Variants in MYO16 observed in about 807,000 individuals in gnomAD.
The protein encoded by MYO16 is unconventional myosin-XVI.
A neutral mutation model predicts 205.3 loss-of-function variants in MYO16; 94 were observed. The ratio of observed to expected loss-of-function variants is 0.46; its 90% CI spans 0.39 to 0.54. The LOEUF is 0.54. MYO16 is among the 20% of genes least tolerant of loss of function. MYO16 has a pLI of 0.00. For synonymous variants in MYO16, 988 were observed against 954.0 expected (o/e 1.04, Z -0.66); for missense variants, 2,315 against 2,387.5 (o/e 0.97, Z 0.63).
chr13:108,856,899 G>T (rs545505111), intron 11 of MYO16, among the ~76,000 whole-genome samples: 1 of 152,068 alleles, frequency 6.6e-6, no homozygotes, highest in Non-Finnish European at 1.5e-5. Flanking sequence ...AAGCACAAAT[G>T]TAATCTCAAA....
rs145172431 is a variant in MYO16, at chr13:108,827,978, T to C, written c.1097+4700T>C. Among the ~76,000 whole-genome samples, 666 of 151,870 alleles carry C rather than the reference T, an allele frequency of 4.4e-3. 7 individuals are homozygous for C. The highest frequency in any genetic ancestry group is 0.02 in the Admixed American group (306 of 15,280). ...CATGTTGCCTAAGTGGAGTAGTTCA[T>C]TGATGAAAGGGTTTTTTTTACTTAT... On this transcript the variant is annotated intron_variant, in intron 9 of 34. Coordinates refer to ENST00000457511, the MANE Select transcript of MYO16 (RefSeq NM_001198950.3).
At position 108,798,694 on chromosome 13, in the gene MYO16, T is replaced by A. The variant is rs1481773287; in HGVS notation, c.741+5054T>A. On this transcript the variant is annotated intron_variant, in intron 6 of 34. Coordinates refer to ENST00000457511, the MANE Select transcript of MYO16 (RefSeq NM_001198950.3). ...ACATCTGGCCCCGAGGCTTATTTTT[T>A]TTTTTTTTTTTTTTTTTTTTTTGAG... Among the ~76,000 whole-genome samples, 4 of 104,874 alleles carry A rather than the reference T, an allele frequency of 3.8e-5. No homozygotes were observed. In the East Asian group the frequency reaches 1.3e-3, roughly 34 times the overall value. 68.8% of individuals were successfully genotyped at this position (104,874 alleles called of 152,430 possible).
At chr13:108,634,467 C>T (rs575936441) in intron 1 of MYO16, among the ~76,000 whole-genome samples, 80 of 152,206 alleles carry the variant, frequency 5.3e-4, no homozygotes, top group African/African-American at 1.8e-3. Flanking sequence ...ATCCATCTTC[C>T]AATTAAGCAA....
intron 32 of MYO16, among the ~76,000 whole-genome samples, chr13:109,155,567 C>T (rs1346699296): frequency 1.3e-5 from 2 of 152,292 alleles, no homozygotes; most frequent in South Asian, 2.1e-4. Context: ...GACCTGTCCA[C>T]ATAGTGTGGG....
chr13:108,678,939 TTCA>T (rs929447359), intron 2 of MYO16, among the ~76,000 whole-genome samples: 11 of 152,126 alleles, frequency 7.2e-5, no homozygotes, highest in African/African-American at 2.7e-4. Context: ...TGCTTTCCAG[TTCA>T]TCAATGGCAG....
intron 4 of MYO16, among the ~76,000 whole-genome samples, chr13:108,764,701 A>G (rs750223025): frequency 1.3e-5 from 2 of 152,144 alleles, no homozygotes; most frequent in Non-Finnish European, 2.9e-5. Flanking sequence ...GCTTTTTCTC[A>G]GAAGCACTTA....
chr13:108,859,344 C>G (rs777587945), intron 11 of MYO16, among the ~76,000 whole-genome samples: 7 of 152,056 alleles, frequency 4.6e-5, no homozygotes, highest in Admixed American at 4.6e-4. Flanking sequence ...TAATTTTAGA[C>G]GAGAGAAAGA....
chr13:108,565,979 G>T, the MYO16 span, among the ~76,000 whole-genome samples: 3 of 151,120 alleles, frequency 2.0e-5, no homozygotes, highest in African/African-American at 7.3e-5. Context: ...CAGAGATATT[G>T]GCCTGTAGCT....
intron 1 of MYO16, among the ~76,000 whole-genome samples, chr13:108,615,688 GT>G (rs1381160627): frequency 6.6e-6 from 1 of 152,068 alleles, no homozygotes; most frequent in African/African-American, 2.4e-5. Context: ...AGTGAAAAAA[GT>G]TAGACACAAA....
chr13:108,755,508 A>G (rs976449759), intron 4 of MYO16, among the ~76,000 whole-genome samples: 2 of 151,952 alleles, frequency 1.3e-5, no homozygotes, highest in Admixed American at 1.3e-4. Context: ...AATTATTAAC[A>G]TCAAATAGAT....
At chr13:108,838,103 G>A (rs545315453) in intron 9 of MYO16, among the ~76,000 whole-genome samples, 229 of 152,288 alleles carry the variant, frequency 1.5e-3, no homozygotes, top group Middle Eastern at 6.8e-3. Flanking sequence ...AGGTTCTGGA[G>A]CTTAGAACTG....
At chr13:108,586,172 T>G in the MYO16 span, among the ~76,000 whole-genome samples, 1 of 151,782 alleles carries the variant, frequency 6.6e-6, no homozygotes, top group African/African-American at 2.4e-5. Context: ...GTATCCCAGA[T>G]AAAAAAAGAA....
chr13:108,643,654 G>C (rs1252143022), intron 1 of MYO16, among the ~76,000 whole-genome samples: 1 of 152,150 alleles, frequency 6.6e-6, no homozygotes, highest in Non-Finnish European at 1.5e-5. Context: ...TTGTTGAGTA[G>C]GATTCTCTTT....
In MYO16 at chr13:108,629,799, A is replaced by T; in HGVS notation, c.-46A>T. 1 of 1,513,986 alleles carries T rather than the reference A, an allele frequency of 6.6e-7. No individual in the cohort carries two copies. The highest frequency in any genetic ancestry group is 1.7e-4 in the Middle Eastern group (1 of 5,908). The allele number at this position is 1,513,986 out of a possible 1,614,324, so 93.8% of individuals were successfully genotyped here. ...TCCTGGGAACGACAGTTGTGACAGA[A>T]GAGAATGCTGGAACCCGTAGCAAGA... On this transcript the variant is annotated 5_prime_UTR_variant, in exon 1 of 35. It adds an upstream start codon to the 5' untranslated region. Coordinates refer to ENST00000457511, the MANE Select transcript of MYO16 (RefSeq NM_001198950.3).
At chr13:108,714,821 C>T (rs953976854) in intron 3 of MYO16, among the ~76,000 whole-genome samples, 3 of 152,104 alleles carry the variant, frequency 2.0e-5, no homozygotes, top group Admixed American at 6.5e-5. Context: ...TGCTCCCAAT[C>T]AACAAATCAG....
intron 16 of MYO16, among the ~76,000 whole-genome samples, chr13:108,918,558 A>C (rs1881602881): frequency 6.6e-6 from 1 of 152,216 alleles, no homozygotes; most frequent in Non-Finnish European, 1.5e-5. Flanking sequence ...CCCATCTCTC[A>C]GCAGAGAGGG....
chr13:109,096,353 T>A (rs1888775146), intron 27 of MYO16, among the ~76,000 whole-genome samples: 1 of 152,162 alleles, frequency 6.6e-6, no homozygotes, highest in African/African-American at 2.4e-5. Flanking sequence ...CCTTTTCTTT[T>A]CAGGACATGA....
intron 23 of MYO16, among the ~76,000 whole-genome samples, chr13:109,046,011 G>A (rs189443379): frequency 0.033 from 4,976 of 151,134 alleles, 126 homozygotes; most frequent in South Asian, 0.056. Context: ...GCGGATGCTC[G>A]CCCTCCCTCA....
At chr13:108,637,519 T>C (rs747011878) in intron 1 of MYO16, among the ~76,000 whole-genome samples, 4 of 152,230 alleles carry the variant, frequency 2.6e-5, no homozygotes, top group Non-Finnish European at 4.4e-5. Flanking sequence ...TATTTATTAT[T>C]CATGACTTCA....
Sources: allele counts gnomAD v4.1 joint callset (sites outside exome capture counted in the v4.1 genomes callset), GRCh38; gene constraint gnomAD v4.1.1; transcripts MANE v1.5; gene names NCBI Gene and HGNC (gene_info 2026-07-23, HGNC 2026-07-21).